NCAM2: variants seen among roughly 807,000 people sequenced by gnomAD.
NCAM2 encodes the protein N-CAM-2.
In NCAM2, 30 loss-of-function variants were observed where a neutral mutation model predicts 98.1. The observed-to-expected ratio is 0.31, with a 90% CI of 0.23 to 0.41. The LOEUF (loss-of-function observed/expected upper bound fraction) is 0.41, where lower values mean the gene tolerates loss of function less well. Ranked by LOEUF, NCAM2 falls within the 10% of genes least tolerant of loss-of-function variation. The pLI, the probability that NCAM2 is intolerant of heterozygous loss-of-function variation, is 1.00. For missense variants in NCAM2, 867 were observed against 1,005.8 expected (o/e 0.86, Z 1.87); for synonymous variants, 368 against 342.4 (o/e 1.07, Z -0.83).
intron 1 of NCAM2, among the ~76,000 whole-genome samples, chr21:21,085,179 C>A (rs1391428190): frequency 5.4e-5 from 8 of 149,266 alleles, no homozygotes; most frequent in African/African-American, 2.0e-4. Context: ...TTGTAATTAA[C>A]CATTATTTGT....
chr21:21,540,543 C>T lies in NCAM2; in HGVS notation c.*2586C>T, dbSNP rs1990191841. The T allele has an allele frequency of 6.6e-6, 1 of 151,680 alleles. No individual in the cohort carries two copies. The highest frequency in any genetic ancestry group is 1.5e-5 in the Non-Finnish European group (1 of 67,906). The allele number at this position is 151,680 out of a possible 1,614,324, so 9.4% of individuals were successfully genotyped here. ...ATAAAAATTTCAAAATAAAAGATGG[C>T]TTGTAGTAAATTGTAAAATATGAGT... On this transcript the variant is annotated 3_prime_UTR_variant, in exon 18 of 18. Transcript: ENST00000400546.
intron 1 of NCAM2, among the ~76,000 whole-genome samples, chr21:21,274,549 A>G (rs994334294): frequency 6.6e-6 from 1 of 152,190 alleles, no homozygotes; most frequent in African/African-American, 2.4e-5. Flanking sequence ...TAATTAAATA[A>G]CGTAAATAAT....
At chr21:21,338,574 C>A in intron 8 of NCAM2, 40 bp downstream of exon 8, 2 of 1,495,874 alleles carry the variant, frequency 1.3e-6, no homozygotes, top group South Asian at 1.4e-5. Context: ...CATTACCATG[C>A]AATTTCAGTA....
At chr21:21,036,275 A>G (rs2064795286) in intron 1 of NCAM2, among the ~76,000 whole-genome samples, 2 of 152,198 alleles carry the variant, frequency 1.3e-5, no homozygotes, top group Admixed American at 1.3e-4. Flanking sequence ...GCTCTTTGAC[A>G]GACAAAAGTC....
chr21:21,458,521 A>G (rs1304128751), intron 12 of NCAM2, among the ~76,000 whole-genome samples: 1 of 152,152 alleles, frequency 6.6e-6, no homozygotes, highest in African/African-American at 2.4e-5. Flanking sequence ...AGCCTTGGAA[A>G]TGGTGCCTTT....
chr21:21,223,534 T>A (rs1038255971), intron 1 of NCAM2: 1 of 152,156 alleles, frequency 6.6e-6, no homozygotes, highest in African/African-American at 2.4e-5. Flanking sequence ...TAAATATGCA[T>A]ATTTCCATTC....
At chr21:21,446,394 A>C (rs930823137) in intron 12 of NCAM2, among the ~76,000 whole-genome samples, 1 of 152,048 alleles carries the variant, frequency 6.6e-6, no homozygotes, top group Non-Finnish European at 1.5e-5. Context: ...TGGGTTAGAA[A>C]GTTCTCCTGG....
intron 8 of NCAM2, among the ~76,000 whole-genome samples, chr21:21,372,223 A>AT (rs530770096): frequency 6.6e-6 from 1 of 151,942 alleles, no homozygotes; most frequent in South Asian, 2.1e-4. Context: ...TGATTAAGGG[A>AT]TTTTTGAAAG....
chr21:21,283,602 G>T (rs903495754), intron 2 of NCAM2, among the ~76,000 whole-genome samples: 2 of 151,896 alleles, frequency 1.3e-5, no homozygotes, highest in African/African-American at 4.8e-5. Flanking sequence ...CTTGGGAAAA[G>T]AGATTAGGAC....
intron 1 of NCAM2, among the ~76,000 whole-genome samples, chr21:21,245,350 A>C (rs1370186375): frequency 6.6e-6 from 1 of 152,128 alleles, no homozygotes; most frequent in Non-Finnish European, 1.5e-5. Context: ...TTCATATGTG[A>C]GTGATTGCAT....
intron 1 of NCAM2, among the ~76,000 whole-genome samples, chr21:21,272,970 TGCATTCACACACATACAC>T (rs2072582143): frequency 4.4e-5 from 1 of 22,952 alleles, no homozygotes; most frequent in African/African-American, 1.6e-4. Flanking sequence ...ACACGGGACA[TGCATTCACACACATACAC>T]ACACACACAC....
At chr21:21,308,314 T>G (rs370081395) in intron 5 of NCAM2, among the ~76,000 whole-genome samples, 2 of 152,306 alleles carry the variant, frequency 1.3e-5, no homozygotes, top group African/African-American at 2.4e-5. Flanking sequence ...CTTCTGTTGT[T>G]AATGATTCAG....
chr21:21,135,270 G>T, intron 1 of NCAM2, among the ~76,000 whole-genome samples: 1 of 141,924 alleles, frequency 7.0e-6, no homozygotes, highest in South Asian at 2.3e-4. Flanking sequence ...AAAAACTTCT[G>T]AACTCAATCA....
At chr21:21,229,590 C>T (rs1004938926) in intron 1 of NCAM2, among the ~76,000 whole-genome samples, 1 of 151,456 alleles carries the variant, frequency 6.6e-6, no homozygotes, top group African/African-American at 2.4e-5. Flanking sequence ...CCCAAGGTTG[C>T]ATAGCCGGGA....
chr21:21,475,381 A>G (rs569453969), intron 14 of NCAM2, among the ~76,000 whole-genome samples: 3 of 152,222 alleles, frequency 2.0e-5, no homozygotes, highest in Admixed American at 6.5e-5. Flanking sequence ...GCAAACTACA[A>G]CATGAGGGTA....
chr21:21,534,680 T>C (rs762775958), intron 17 of NCAM2, 24 bp downstream of exon 17: 35 of 1,543,470 alleles, frequency 2.3e-5, no homozygotes, highest in Non-Finnish European at 3.1e-5. Context: ...AGTGCTCACT[T>C]ATGTTCAAAT....
At chr21:21,398,796 T>C (rs2091762194) in intron 9 of NCAM2, among the ~76,000 whole-genome samples, 1 of 152,178 alleles carries the variant, frequency 6.6e-6, no homozygotes, top group Admixed American at 6.5e-5. Context: ...TATTGTGCTT[T>C]AGTGGTGAGA....
chr21:21,380,935 CAT>C (rs2076140671), intron 9 of NCAM2, among the ~76,000 whole-genome samples: 1 of 152,170 alleles, frequency 6.6e-6, no homozygotes, highest in South Asian at 2.1e-4. Context: ...TCTCACTTGA[CAT>C]ATCTTAGCTA....
At chr21:21,215,009 A>T (rs2147102130) in intron 1 of NCAM2, among the ~76,000 whole-genome samples, 1 of 151,960 alleles carries the variant, frequency 6.6e-6, no homozygotes, top group African/African-American at 2.4e-5. Flanking sequence ...AAATATGCTG[A>T]TTTTAGAAGT....
Sources: allele counts gnomAD v4.1 joint callset (sites outside exome capture counted in the v4.1 genomes callset), GRCh38; gene constraint gnomAD v4.1.1; transcripts MANE v1.5; gene names NCBI Gene and HGNC (gene_info 2026-07-23, HGNC 2026-07-21).